MED1: variants seen among roughly 807,000 people sequenced by gnomAD.
The protein encoded by MED1 is mediator complex subunit 1, also known as mediator of RNA polymerase II transcription subunit 1.
A neutral mutation model predicts 121.3 loss-of-function variants in MED1; 17 were observed. The observed-to-expected ratio is 0.14, with a 90% CI of 0.10 to 0.21. The LOEUF (loss-of-function observed/expected upper bound fraction) is 0.21. MED1 is among the 10% of genes least tolerant of loss of function. The pLI is 1.00. For synonymous variants in MED1, 661 were observed against 694.4 expected, an observed-to-expected ratio of 0.95 and a Z score of 0.76; for missense variants, 1,558 against 1,919.4, an observed-to-expected ratio of 0.81 and a Z score of 3.52.
chr17:39,417,151 G>A (rs772377752), intron 14 of MED1, among the ~76,000 whole-genome samples: 9 of 152,022 alleles, frequency 5.9e-5, no homozygotes, highest in African/African-American at 9.6e-5. Flanking sequence ...CCAACTCGAC[G>A]AAACCCCGTC....
rs775607021 is a variant in MED1, at chr17:39,431,183, G to A, written c.581C>T (p.Ala194Val). Residue 194 changes from alanine to valine, a missense_variant, in exon 9 of 17, where the codon GCA becomes GTA. Physicochemically the swap from Ala to Val is moderately conservative, Grantham distance 64 (BLOSUM62 0). This residue lies in a region of MED1 where 443 missense variants were observed against 532.4 expected (regional missense o/e 0.83). Transcript: ENST00000300651. The part of the protein sequence containing the change: ...LSKMAIMYWK[A>V]TNAGPLDKIL... ...CTTATCCAAGGGACCAGCATTAGTT[G>A]CTTTCCTGTAAGACAAGTGATCTAT... The A allele has an allele frequency of 1.1e-5, 17 of 1,611,256 alleles. No individual in the cohort carries two copies. Among genetic ancestry groups the A allele is most frequent in the Non-Finnish European group, 1.4e-5 (16 of 1,177,626 alleles).
rs2048301635 is a variant in MED1 at position 39,406,124 on chromosome 17, T to C, written c.*1351A>G. 1 of 985,438 alleles carries C rather than the reference T, an allele frequency of 1.0e-6. No individual in the cohort carries two copies. The highest frequency in any genetic ancestry group is 1.2e-6 in the Non-Finnish European group (1 of 829,956). 61.0% of individuals were successfully genotyped at this position (985,438 alleles called of 1,614,324 possible). ...TATATTTTTATGTGAAGGGCTCTTA[T>C]TGATGTCCCCCAGAATCCAGACTCA... On this transcript the variant is annotated 3_prime_UTR_variant, in exon 17 of 17. Coordinates refer to ENST00000300651, the MANE Select transcript of MED1 (RefSeq NM_004774.4).
chr17:39,428,948 T>C lies in MED1; in HGVS notation c.650-1158A>G, dbSNP rs552618511. 6.7e-5 allele frequency among the ~76,000 whole-genome samples: 10 copies of C among 149,094 alleles called. No individual in the cohort carries two copies. In the South Asian group the frequency reaches 1.1e-3, roughly 16 times the overall value. ...GCCTGGGTGACAGAGCAAGACTCCA[T>C]CTCAAAAAAAAAAGACATATGACAG... On this transcript the variant is annotated intron_variant, in intron 9 of 16. Coordinates refer to ENST00000300651, the MANE Select transcript of MED1 (RefSeq NM_004774.4).
At chr17:39,412,913 T>C (rs1421854017) in intron 16 of MED1, among the ~76,000 whole-genome samples, 2 of 152,136 alleles carry the variant, frequency 1.3e-5, no homozygotes, top group Non-Finnish European at 2.9e-5. Context: ...CTCTGCAATA[T>C]TAACTAGAAA....
chr17:39,435,393 A>C (rs1489950992), intron 6 of MED1, among the ~76,000 whole-genome samples: 2 of 152,140 alleles, frequency 1.3e-5, no homozygotes, highest in Non-Finnish European at 2.9e-5. Flanking sequence ...CCCAATATTC[A>C]GGCTTCGATT....
At chr17:39,447,777 C>A in intron 2 of MED1, 21 bp downstream of exon 2, 1 of 1,543,016 alleles carries the variant, frequency 6.5e-7, no homozygotes, top group Non-Finnish European at 8.9e-7. Context: ...AACACTTTAC[C>A]CACTTCACCA....
intron 10 of MED1, among the ~76,000 whole-genome samples, chr17:39,426,742 C>T (rs1460001609): frequency 6.6e-6 from 1 of 152,104 alleles, no homozygotes; most frequent in Non-Finnish European, 1.5e-5. Context: ...CCATGTTGGT[C>T]AGGCTGGTCT....
At position 39,404,661 on chromosome 17, in the gene MED1, GAAT is replaced by G. The variant is rs1192385069; in HGVS notation, c.*2811_*2813del. 1.3e-5 allele frequency: 2 copies of G among 152,266 alleles called. No homozygotes were observed. Among genetic ancestry groups the G allele is most frequent in the South Asian group, 2.1e-4 (1 of 4,816 alleles). The allele number at this position is 152,266 out of a possible 1,614,324, so 9.4% of individuals were successfully genotyped here. ...AAAAATGAGATTGCCCAAGGATTGT[GAAT>G]AATGTTTCGTATACTGACATCTTTA... is the stretch of plus-strand genomic sequence containing the variant. On this transcript the variant is annotated 3_prime_UTR_variant, in exon 17 of 17. Transcript: ENST00000300651.
Position 39,409,569 on chromosome 17 carries a change from A to C in MED1, c.2652T>G (p.Asp884Glu). Reference protein sequence around the residue: ...SQSGFGEEYFDESSQSGDNDD... With the variant: ...SQSGFGEEYFEESSQSGDNDD... ...CATTATCCCCACTTTGGCTGCTTTC[A>C]TCAAAATATTCTTCTCCAAAACCAC... Residue 884 changes from aspartate to glutamate, a missense_variant, in exon 17 of 17, where the codon GAT becomes GAG. Physicochemically the swap from Asp to Glu is conservative, Grantham distance 45 (BLOSUM62 2). This residue lies in a region of MED1 where 793 missense variants were observed against 898.2 expected (regional missense o/e 0.88). Transcript: ENST00000300651. The C allele has an allele frequency of 1.2e-6, 2 of 1,614,192 alleles. No individual in the cohort carries two copies. The highest frequency in any genetic ancestry group is 1.7e-6 in the Non-Finnish European group (2 of 1,180,036).
rs1329655322 is a variant in MED1 at position 39,409,448 on chromosome 17, G to T, written c.2773C>A (p.Gln925Lys). The T allele has an allele frequency of 1.2e-6, 2 of 1,614,092 alleles. No homozygotes were observed. The highest frequency in any genetic ancestry group is 1.7e-6 in the Non-Finnish European group (2 of 1,180,018). ...NGETKFKGNN[Q>K]ADTVDFSIIS... ...ATACTGAAATCAACTGTGTCGGCTT[G>T]GTTATTGCCCTTAAACTTGGTCTCC... The change falls in exon 17 of 17, where the codon CAA becomes AAA. Residue 925 changes from glutamine to lysine, a missense_variant. Physicochemically the swap from Gln to Lys is moderately conservative, Grantham distance 53. Transcript: ENST00000300651.
chr17:39,431,432 C>T (rs1052523562), intron 8 of MED1, among the ~76,000 whole-genome samples: 2 of 152,134 alleles, frequency 1.3e-5, no homozygotes, highest in African/African-American at 4.8e-5. Context: ...CGCCCGCCAC[C>T]ACGCCCAGCT....
intron 1 of MED1, among the ~76,000 whole-genome samples, 177 bp downstream of exon 1, chr17:39,450,861 G>A (rs1047378513): frequency 1.3e-5 from 2 of 152,074 alleles, no homozygotes; most frequent in Non-Finnish European, 2.9e-5. Context: ...TCGCCCTAAA[G>A]TCGAAGCTCT....
intron 2 of MED1, 75 bp downstream of exon 2, chr17:39,447,723 T>A: frequency 1.9e-6 from 2 of 1,079,948 alleles, no homozygotes; most frequent in Admixed American, 3.8e-5. Flanking sequence ...TATGAACACA[T>A]CTACATGGGG....
Position 39,407,737 on chromosome 17 carries a change from T to C in MED1, c.4484A>G (p.Glu1495Gly), listed in dbSNP as rs1156690812. The C allele has an allele frequency of 1.2e-6, 2 of 1,614,190 alleles. No individual in the cohort carries two copies. The highest frequency in any genetic ancestry group is 1.7e-6 in the Non-Finnish European group (2 of 1,180,026). The change falls in exon 17 of 17, where the codon GAG (glutamate) becomes GGG (glycine). Residue 1495 changes from glutamate to glycine, a missense_variant. This residue lies in a region of MED1 where 264 missense variants were observed against 326.1 expected (regional missense o/e 0.81). Transcript: ENST00000300651. ...GIRPLPEYSTEKHKKHKKEKK... is the reference protein window; with the variant it reads ...GIRPLPEYSTGKHKKHKKEKK... The stretch of plus-strand genomic sequence containing the variant: ...TTCCTTTTTGTGCTTCTTATGTTTC[T>C]CTGTGCTGTATTCTGGAAGTGGTCG...
rs77063078 is a variant in MED1, at chr17:39,405,304, T to C, written c.*2171A>G. The C allele has an allele frequency of 3.7e-6, 6 of 1,604,504 alleles. No homozygotes were observed. The highest frequency in any genetic ancestry group is 1.3e-5 in the African/African-American group (1 of 74,810). Reference sequence around the variant, plus strand: ...CATCCAGATCCTAACTCGGGATTCTTTGATCTGGGATGAAGACAGAAAGAG... The same window carrying C: ...CATCCAGATCCTAACTCGGGATTCTCTGATCTGGGATGAAGACAGAAAGAG... On this transcript the variant is annotated 3_prime_UTR_variant, in exon 17 of 17. Transcript: ENST00000300651.
At chr17:39,430,772 C>T (rs2048558489) in intron 9 of MED1, among the ~76,000 whole-genome samples, 1 of 151,486 alleles carries the variant, frequency 6.6e-6, no homozygotes, top group Admixed American at 6.6e-5. Context: ...AATCCCAGCA[C>T]TTTGGGAGAC....
Position 39,406,776 on chromosome 17 carries a change from C to A in MED1, c.*699G>T. ...ATTAGCACAAGCTATAAGCTCCCTACCACCATATAAGCCTTGCTCTTCGGC... is the reference window on the plus strand; with the variant it reads ...ATTAGCACAAGCTATAAGCTCCCTAACACCATATAAGCCTTGCTCTTCGGC... On this transcript the variant is annotated 3_prime_UTR_variant, in exon 17 of 17. Transcript: ENST00000300651. 1 of 985,516 alleles carries A rather than the reference C, an allele frequency of 1.0e-6. No homozygotes were observed. Among genetic ancestry groups the A allele is most frequent in the Non-Finnish European group, 1.2e-6 (1 of 829,930 alleles). The allele number at this position is 985,516 out of a possible 1,614,324, so 61.0% of individuals were successfully genotyped here. A position where few individuals can be genotyped will look rare whatever the true frequency, so the allele number is the denominator to read the frequency against.
chr17:39,432,402 A>G (rs1333891163), intron 7 of MED1, among the ~76,000 whole-genome samples: 1 of 151,232 alleles, frequency 6.6e-6, no homozygotes, highest in Non-Finnish European at 1.5e-5. Context: ...ACAAACAGTG[A>G]CATAGAAGGC....
chr17:39,423,887 C>G, intron 11 of MED1, 66 bp from the exon 12 acceptor site: 1 of 1,198,712 alleles, frequency 8.3e-7, no homozygotes, highest in Non-Finnish European at 1.1e-6. Context: ...ACCCAAACAC[C>G]TTTTTTTTTT....
Sources: allele counts gnomAD v4.1 joint callset (sites outside exome capture counted in the v4.1 genomes callset), GRCh38; gene constraint gnomAD v4.1.1; regional missense constraint gnomAD v4.1.1; transcripts MANE v1.5; gene names NCBI Gene and HGNC (gene_info 2026-07-23, HGNC 2026-07-21).